LHFPL3: variants seen among roughly 807,000 people sequenced by gnomAD.
LHFPL3 encodes the protein LHFPL tetraspan subfamily member 3, also known as LHFPL tetraspan subfamily member 3 protein.
A neutral mutation model predicts 19.3 loss-of-function variants in LHFPL3; 5 were observed. The ratio of observed to expected loss-of-function variants is 0.26; its 90% CI spans 0.14 to 0.54. The LOEUF is 0.54. Ranked by LOEUF, LHFPL3 falls within the 20% of genes least tolerant of loss-of-function variation. The pLI is 0.94. For synonymous variants in LHFPL3, 133 were observed against 126.2 expected (o/e 1.05, Z -0.36); for missense variants, 249 against 307.4 (o/e 0.81, Z 1.42).
At chr7:104,563,683 C>T (rs1452382227) in intron 1 of LHFPL3, among the ~76,000 whole-genome samples, 6 of 152,254 alleles carry the variant, frequency 3.9e-5, no homozygotes, top group Non-Finnish European at 1.5e-5. Flanking sequence ...GGAGCTGTTC[C>T]TGTTCGGCCA....
intron 1 of LHFPL3, among the ~76,000 whole-genome samples, chr7:104,376,986 G>C (rs1246095933): frequency 2.6e-5 from 4 of 152,128 alleles, no homozygotes; most frequent in African/African-American, 4.8e-5. Context: ...GCTCAGTTTT[G>C]TTGGAAATTT....
chr7:104,794,035 A>C (rs1790071528), intron 2 of LHFPL3, among the ~76,000 whole-genome samples: 1 of 152,230 alleles, frequency 6.6e-6, no homozygotes, highest in Non-Finnish European at 1.5e-5. Context: ...CTGGCAAGAC[A>C]GATGTTCCCA....
chr7:104,709,464 T>C (rs2116207907), intron 1 of LHFPL3, among the ~76,000 whole-genome samples: 1 of 134,130 alleles, frequency 7.5e-6, no homozygotes, highest in East Asian at 2.5e-4. Context: ...CAAGCATCTG[T>C]TTAACAAAGC....
At chr7:104,506,004 T>G (rs1421722799) in intron 1 of LHFPL3, among the ~76,000 whole-genome samples, 1 of 150,746 alleles carries the variant, frequency 6.6e-6, no homozygotes, top group African/African-American at 2.4e-5. Context: ...CTCACTGGAG[T>G]AGCATGAAAA....
At chr7:104,377,554 G>A (rs1790739683) in intron 1 of LHFPL3, among the ~76,000 whole-genome samples, 1 of 152,312 alleles carries the variant, frequency 6.6e-6, no homozygotes, top group East Asian at 1.9e-4. Context: ...GGAAATGACA[G>A]AGTCTTTTGC....
At position 104,906,240 on chromosome 7, in the gene LHFPL3, T is replaced by TAAAC. The variant is rs1792611903; in HGVS notation, c.*29_*32dup. The TAAAC allele has an allele frequency of 1.2e-6, 2 of 1,601,960 alleles. No individual in the cohort carries two copies. Among genetic ancestry groups the TAAAC allele is most frequent in the Non-Finnish European group, 1.7e-6 (2 of 1,173,560 alleles). On this transcript the variant is annotated 3_prime_UTR_variant, in exon 3 of 3. Coordinates refer to ENST00000424859, the MANE Select transcript of LHFPL3 (RefSeq NM_199000.3). ...AGCACAAAACAAATCGAATAACAGCTAAACAAATCGAATAACAGCTAAACG... is the reference window on the plus strand; with the variant it reads ...AGCACAAAACAAATCGAATAACAGCTAAACAAACAAATCGAATAACAGCTAAACG...
In LHFPL3 at chr7:104,462,860, A is replaced by C. The variant is rs934031295; in HGVS notation, c.445+133636A>C. 9.9e-5 allele frequency among the ~76,000 whole-genome samples: 15 copies of C among 152,074 alleles called. No individual in the cohort carries two copies. In the East Asian group the frequency reaches 1.2e-3, roughly 12 times the overall value. On this transcript the variant is annotated intron_variant, in intron 1 of 2. Coordinates refer to ENST00000424859, the MANE Select transcript of LHFPL3 (RefSeq NM_199000.3). ...TCTACTAGAATTCGGCTGTGACTCCATGTGGTCCTGGGGTTTTTTTTGGTT... is the reference window on the plus strand; with the variant it reads ...TCTACTAGAATTCGGCTGTGACTCCCTGTGGTCCTGGGGTTTTTTTTGGTT...
intron 1 of LHFPL3, among the ~76,000 whole-genome samples, chr7:104,423,114 G>A (rs980956102): frequency 6.6e-6 from 1 of 152,150 alleles, no homozygotes; most frequent in Non-Finnish European, 1.5e-5. Context: ...GTGTCAGGAG[G>A]TGATGCATGT....
At chr7:104,403,903 T>C (rs1401920659) in intron 1 of LHFPL3, among the ~76,000 whole-genome samples, 1 of 152,238 alleles carries the variant, frequency 6.6e-6, no homozygotes, top group Non-Finnish European at 1.5e-5. Flanking sequence ...GAGTGTTATA[T>C]TTTTAAATGG....
At chr7:104,623,202 T>G (rs1791481144) in intron 1 of LHFPL3, among the ~76,000 whole-genome samples, 1 of 152,204 alleles carries the variant, frequency 6.6e-6, no homozygotes, top group South Asian at 2.1e-4. Context: ...TCTCCACTCA[T>G]GTGTTTTTGT....
At chr7:104,681,413 A>G (rs956774959) in intron 1 of LHFPL3, among the ~76,000 whole-genome samples, 1 of 152,134 alleles carries the variant, frequency 6.6e-6, no homozygotes, top group African/African-American at 2.4e-5. Flanking sequence ...TCACAAGGTC[A>G]GAAGATCAAG....
intron 1 of LHFPL3, among the ~76,000 whole-genome samples, chr7:104,378,805 A>T (rs1386681698): frequency 6.6e-6 from 1 of 152,160 alleles, no homozygotes; most frequent in Non-Finnish European, 1.5e-5. Flanking sequence ...TTCTTCAGTG[A>T]AGTGTCTTTT....
chr7:104,747,033 G>T (rs1427936400), intron 2 of LHFPL3, among the ~76,000 whole-genome samples: 1 of 152,148 alleles, frequency 6.6e-6, no homozygotes, highest in Non-Finnish European at 1.5e-5. Flanking sequence ...TTAAATATAA[G>T]GGTGATCATA....
chr7:104,373,649 C>T (rs1442068281), intron 1 of LHFPL3, among the ~76,000 whole-genome samples: 3 of 148,572 alleles, frequency 2.0e-5, no homozygotes, highest in African/African-American at 7.4e-5. Context: ...TTAAGAAATA[C>T]ATTGGTTTGG....
At position 104,403,723 on chromosome 7, in the gene LHFPL3, CA is replaced by C. The variant is rs1453043557; in HGVS notation, c.445+74500del. The stretch of plus-strand genomic sequence containing the variant: ...GGAATCTAATCATGTCCTTAGTGAA[CA>C]TTCTCTCTCTCTCTCTCTCTCTCTC... On this transcript the variant is annotated intron_variant, in intron 1 of 2. Coordinates refer to ENST00000424859, the MANE Select transcript of LHFPL3 (RefSeq NM_199000.3). Among the ~76,000 whole-genome samples, 8 of 138,458 alleles carry C rather than the reference CA, an allele frequency of 5.8e-5. No individual in the cohort carries two copies. In the East Asian group the frequency reaches 1.8e-3, roughly 31 times the overall value. 90.8% of individuals were successfully genotyped at this position (138,458 alleles called of 152,430 possible).
chr7:104,463,850 A>G (rs1792723675), intron 1 of LHFPL3, among the ~76,000 whole-genome samples: 1 of 152,132 alleles, frequency 6.6e-6, no homozygotes, highest in Non-Finnish European at 1.5e-5. Flanking sequence ...GCCAAACCAT[A>G]TTGTCCGTCC....
chr7:104,864,564 G>T (rs530512321), intron 2 of LHFPL3, among the ~76,000 whole-genome samples: 78 of 152,324 alleles, frequency 5.1e-4, no homozygotes, highest in African/African-American at 1.6e-3. Context: ...CAGTGAGGCT[G>T]GGGGAGGGGC....
chr7:104,841,530 C>A, intron 2 of LHFPL3, among the ~76,000 whole-genome samples: 1 of 44,974 alleles, frequency 2.2e-5, no homozygotes, highest in African/African-American at 6.9e-5. Flanking sequence ...GTGTGTGTGT[C>A]TTTTAGGGTA....
intron 2 of LHFPL3, among the ~76,000 whole-genome samples, chr7:104,824,972 C>G (rs1335862239): frequency 6.9e-6 from 1 of 145,494 alleles, no homozygotes; most frequent in Non-Finnish European, 1.5e-5. Flanking sequence ...GCCCAGGGCC[C>G]CAGCTTATGA....
Sources: gnomAD v4.1 joint callset for allele counts (sites outside exome capture counted in the v4.1 genomes callset) on GRCh38, gnomAD v4.1.1 for gene constraint, MANE v1.5 for transcripts, NCBI Gene and HGNC (gene_info 2026-07-23, HGNC 2026-07-21) for gene names.